EYA4: variants seen among roughly 807,000 people sequenced by gnomAD.
EYA4 encodes the protein EYA transcriptional coactivator and phosphatase 4.
In EYA4, 31 loss-of-function variants were observed where a neutral mutation model predicts 87.9. The observed-to-expected ratio is 0.35, with a 90% CI of 0.27 to 0.48. The LOEUF (loss-of-function observed/expected upper bound fraction) is 0.48. Among genes scored for constraint, EYA4 ranks in the 20% least tolerant of loss-of-function variants. The probability of loss-of-function intolerance (pLI) is 0.99; values close to 1 mark genes in which losing one functional copy is unlikely to be tolerated. For synonymous variants in EYA4, 263 were observed against 270.6 expected (o/e 0.97, Z 0.28); for missense variants, 678 against 761.4 (o/e 0.89, Z 1.29).
At chr6:133,498,797 C>G (rs924872298) in intron 13 of EYA4, among the ~76,000 whole-genome samples, 1 of 152,180 alleles carries the variant, frequency 6.6e-6, no homozygotes, top group Admixed American at 6.5e-5. Flanking sequence ...ATATCTCGAA[C>G]TCTTCCCTAG....
rs66881281 is a variant in EYA4, at chr6:133,385,391, C to CTGTGTGTGTG, written c.83+2991_83+3000dup. On this transcript the variant is annotated intron_variant, in intron 3 of 19. Coordinates refer to ENST00000355286, the MANE Select transcript of EYA4 (RefSeq NM_004100.5). Reference sequence around the variant, plus strand: ...CTCTGTGTGTGTATGTATGCTCTCTCTGTGTGTGTGTGTGTGTGTGTGTGT... The same window carrying CTGTGTGTGTG: ...CTCTGTGTGTGTATGTATGCTCTCTCTGTGTGTGTGTGTGTGTGTGTGTGTGTGTGTGTGT... 9.3e-4 allele frequency among the ~76,000 whole-genome samples: 107 copies of CTGTGTGTGTG among 115,318 alleles called. 2 individuals are homozygous for CTGTGTGTGTG. In the South Asian group the frequency reaches 0.018, roughly 19 times the overall value. 75.7% of individuals were successfully genotyped at this position (115,318 alleles called of 152,430 possible).
At chr6:133,521,140 T>C (rs1800088204) in intron 17 of EYA4, among the ~76,000 whole-genome samples, 1 of 151,094 alleles carries the variant, frequency 6.6e-6, no homozygotes, top group Non-Finnish European at 1.5e-5. Flanking sequence ...AAAGAGCTTC[T>C]GCACAGCAAA....
intron 13 of EYA4, among the ~76,000 whole-genome samples, chr6:133,504,867 T>C (rs1798455303): frequency 6.6e-6 from 1 of 152,186 alleles, no homozygotes; most frequent in South Asian, 2.1e-4. Flanking sequence ...GAGATACATT[T>C]CTTGAAATGC....
chr6:133,361,076 A>C (rs1299309747), intron 2 of EYA4, among the ~76,000 whole-genome samples: 1 of 152,190 alleles, frequency 6.6e-6, no homozygotes, highest in Non-Finnish European at 1.5e-5. Flanking sequence ...CATCCAGACT[A>C]GATTGGGTCA....
At chr6:133,411,003 C>T (rs1406504775) in intron 3 of EYA4, among the ~76,000 whole-genome samples, 2 of 151,800 alleles carry the variant, frequency 1.3e-5, no homozygotes, top group Non-Finnish European at 2.9e-5. Flanking sequence ...CCACCACCCC[C>T]TGACTTTCTG....
At chr6:133,284,164 G>T (rs1272424073) in intron 2 of EYA4, among the ~76,000 whole-genome samples, 3 of 152,076 alleles carry the variant, frequency 2.0e-5, no homozygotes, top group African/African-American at 7.2e-5. Flanking sequence ...AAATATTATG[G>T]ATTTGAGTGA....
chr6:133,244,265 A>G (rs1774223819), intron 1 of EYA4, among the ~76,000 whole-genome samples: 1 of 152,186 alleles, frequency 6.6e-6, no homozygotes, highest in Non-Finnish European at 1.5e-5. Context: ...TATAACTAAA[A>G]TAAGATTTAC....
chr6:133,475,403 T>C (rs914883487), intron 11 of EYA4, among the ~76,000 whole-genome samples: 3 of 152,118 alleles, frequency 2.0e-5, no homozygotes, highest in Non-Finnish European at 4.4e-5. Context: ...AACAATATTA[T>C]GTTTTACCCT....
chr6:133,272,423 G>C (rs1776772593), intron 1 of EYA4, among the ~76,000 whole-genome samples: 1 of 152,184 alleles, frequency 6.6e-6, no homozygotes, highest in South Asian at 2.1e-4. Context: ...ACTTTCATTT[G>C]ATGATAGAAT....
chr6:133,340,836 A>C (rs1252405517), intron 2 of EYA4, among the ~76,000 whole-genome samples: 1 of 152,040 alleles, frequency 6.6e-6, no homozygotes, highest in East Asian at 1.9e-4. Context: ...TTTTCGAAAG[A>C]GTCCCTCTGG....
intron 2 of EYA4, among the ~76,000 whole-genome samples, chr6:133,288,794 TAG>T (rs1778266603): frequency 6.6e-6 from 1 of 151,886 alleles, no homozygotes; most frequent in South Asian, 2.1e-4. Flanking sequence ...AGTAGGATAA[TAG>T]TGTCTTCAGA....
intron 2 of EYA4, among the ~76,000 whole-genome samples, chr6:133,372,653 G>A (rs1385881131): frequency 1.3e-5 from 2 of 151,314 alleles, no homozygotes; most frequent in Non-Finnish European, 3.0e-5. Flanking sequence ...CTTTATAAAT[G>A]TTGCTATTTT....
intron 11 of EYA4, among the ~76,000 whole-genome samples, chr6:133,479,629 T>C (rs189431099): frequency 3.8e-4 from 58 of 152,326 alleles, no homozygotes; most frequent in Non-Finnish European, 1.5e-5. Context: ...TCTTTTTGTT[T>C]AAAAATCATG....
intron 2 of EYA4, among the ~76,000 whole-genome samples, chr6:133,279,656 A>G (rs1475048559): frequency 6.6e-6 from 1 of 152,072 alleles, no homozygotes; most frequent in Non-Finnish European, 1.5e-5. Flanking sequence ...TTAGTAAATT[A>G]ATTTATTTTT....
At chr6:133,487,278 C>T (rs1455832875) in intron 13 of EYA4, among the ~76,000 whole-genome samples, 1 of 152,204 alleles carries the variant, frequency 6.6e-6, no homozygotes, top group Non-Finnish European at 1.5e-5. Context: ...GGATAAAGTG[C>T]TCTGGGGTCC....
chr6:133,513,166 C>G (rs374778453), intron 16 of EYA4, 128 bp downstream of exon 16: 3 of 934,084 alleles, frequency 3.2e-6, no homozygotes, highest in Middle Eastern at 5.6e-4. Flanking sequence ...CCACATTGAG[C>G]CAGAAGTTTC....
chr6:133,378,277 CA>C (rs1168247805), intron 2 of EYA4, among the ~76,000 whole-genome samples: 1 of 151,988 alleles, frequency 6.6e-6, no homozygotes, highest in Non-Finnish European at 1.5e-5. Context: ...GGATATTAGG[CA>C]AGTTGTTGAA....
intron 19 of EYA4, among the ~76,000 whole-genome samples, chr6:133,525,594 A>G (rs930663272): frequency 1.3e-5 from 2 of 152,158 alleles, no homozygotes; most frequent in African/African-American, 4.8e-5. Flanking sequence ...TACACATACA[A>G]TGTGCACAGA....
rs973636216 is a variant in EYA4 at position 133,385,430 on chromosome 6, T to C, written c.83+2989T>C. 2.0e-5 allele frequency among the ~76,000 whole-genome samples: 3 copies of C among 146,694 alleles called. No individual in the cohort carries two copies. The East Asian group carries it at 5.9e-4, about 29-fold the overall frequency. Reference sequence around the variant, plus strand: ...GTGTGTGTGTGTGTGTGTGTGTGTGTGTGTGTGTGTGAGAGAGAGAGAGAG... The same window carrying C: ...GTGTGTGTGTGTGTGTGTGTGTGTGCGTGTGTGTGTGAGAGAGAGAGAGAG... On this transcript the variant is annotated intron_variant, in intron 3 of 19. Coordinates refer to ENST00000355286, the MANE Select transcript of EYA4 (RefSeq NM_004100.5).
Sources: allele counts gnomAD v4.1 joint callset (sites outside exome capture counted in the v4.1 genomes callset), GRCh38; gene constraint gnomAD v4.1.1; transcripts MANE v1.5; gene names NCBI Gene and HGNC (gene_info 2026-07-23, HGNC 2026-07-21).